Variants in MTHFD1L observed in about 807,000 individuals in gnomAD.
MTHFD1L encodes methylenetetrahydrofolate dehydrogenase (NADP+ dependent) 1 like.
In MTHFD1L, 81 loss-of-function variants were observed where a neutral mutation model predicts 119.5. That is an observed-to-expected ratio of 0.68 (90% CI 0.57 to 0.82). The LOEUF (loss-of-function observed/expected upper bound fraction) is 0.82. MTHFD1L is among the 40% of genes least tolerant of loss of function. The pLI is 0.00. For missense variants in MTHFD1L, 1,125 were observed against 1,253.4 expected (o/e 0.90, Z 1.55); for synonymous variants, 430 against 475.2 (o/e 0.90, Z 1.24).
intron 24 of MTHFD1L, among the ~76,000 whole-genome samples, chr6:151,016,326 T>C (rs1783043309): frequency 6.7e-6 from 1 of 150,210 alleles, no homozygotes; most frequent in Non-Finnish European, 1.5e-5. Context: ...TTTTCCTTGT[T>C]CATTTCTCTT....
At position 150,965,001 on chromosome 6, in the gene MTHFD1L, A is replaced by T. The variant is rs762203674; in HGVS notation, c.1977A>T (p.Lys659Asn). The change falls in exon 19 of 28, where the codon AAA becomes AAT. Residue 659 changes from lysine to asparagine, a missense_variant. By Grantham distance (94) the Lys-to-Asn change is moderately conservative. This residue lies in a region of MTHFD1L where 1,058 missense variants were observed against 1,151.2 expected (regional missense o/e 0.92). Coordinates refer to ENST00000367321, the MANE Select transcript of MTHFD1L (RefSeq NM_015440.5). ...GVTGALTVLM[K>N]DAIKPNLMQT... Reference sequence around the variant, plus strand: ...CAGGTGCTTTGACAGTTTTGATGAAAGATGCAATAAAACCAAACCTGATGC... The same window carrying T: ...CAGGTGCTTTGACAGTTTTGATGAATGATGCAATAAAACCAAACCTGATGC... 6.2e-7 allele frequency: 1 copy of T among 1,614,088 alleles called. No homozygotes were observed. The highest frequency in any genetic ancestry group is 1.1e-5 in the South Asian group (1 of 91,080).
chr6:150,917,120 G>A (rs901341215), intron 8 of MTHFD1L, among the ~76,000 whole-genome samples: 2 of 151,888 alleles, frequency 1.3e-5, no homozygotes, highest in African/African-American at 4.8e-5. Flanking sequence ...GATCTTTCAT[G>A]TAACACTTTG....
rs775876412 is a variant in MTHFD1L, at chr6:150,922,286, C to G, written c.1066C>G (p.Leu356Val). 1.9e-6 allele frequency: 3 copies of G among 1,613,858 alleles called. No individual in the cohort carries two copies. The highest frequency in any genetic ancestry group is 3.3e-5 in the Admixed American group (2 of 59,996). ...ACTTCACTGCTTGAAACTTCAGCCT[C>G]TCTCCCCTGTGCCAAGGTAACACTG... is the stretch of plus-strand genomic sequence containing the variant. Reference protein sequence around the residue: ...WRLHCLKLQPLSPVPSDIEIS... With the variant: ...WRLHCLKLQPVSPVPSDIEIS... Residue 356 changes from leucine (L) to valine (V), a missense_variant, in exon 10 of 28, where the codon CTC (leucine) becomes GTC (valine). By Grantham distance (32) the Leu-to-Val change is conservative. Around this residue, in one of 3 missense-constraint regions of MTHFD1L, gnomAD observed 1,058 missense variants for 1,151.2 expected, o/e 0.92. Coordinates refer to ENST00000367321, the MANE Select transcript of MTHFD1L (RefSeq NM_015440.5).
At chr6:151,045,190 T>C (rs1391537197) in intron 26 of MTHFD1L, among the ~76,000 whole-genome samples, 6 of 152,150 alleles carry the variant, frequency 3.9e-5, no homozygotes, top group Non-Finnish European at 7.4e-5. Flanking sequence ...ATCAAATGCA[T>C]GACCCTTCAC....
At chr6:150,986,599 CTG>C (rs1415103950) in intron 20 of MTHFD1L, among the ~76,000 whole-genome samples, 2 of 152,246 alleles carry the variant, frequency 1.3e-5, no homozygotes, top group Admixed American at 6.5e-5. Flanking sequence ...CACTGCTGAT[CTG>C]ACAGGAGGTG....
intron 26 of MTHFD1L, among the ~76,000 whole-genome samples, chr6:151,066,055 G>A (rs771924265): frequency 1.9e-4 from 29 of 152,132 alleles, no homozygotes; most frequent in Non-Finnish European, 2.9e-4. Flanking sequence ...TGCCCCCATG[G>A]GAATTAATTT....
intron 26 of MTHFD1L, among the ~76,000 whole-genome samples, chr6:151,076,018 A>G (rs1696147314): frequency 6.6e-6 from 1 of 152,224 alleles, no homozygotes; most frequent in Non-Finnish European, 1.5e-5. Flanking sequence ...GGCATTAGGG[A>G]AATGGAAATT....
At position 151,092,571 on chromosome 6, in the gene MTHFD1L, C is replaced by A; in HGVS notation, c.*15C>A. On this transcript the variant is annotated 3_prime_UTR_variant, in exon 27 of 28. Coordinates refer to ENST00000367321, the MANE Select transcript of MTHFD1L (RefSeq NM_015440.5). ...GCTTGTTCTAAGTGGACAAGGCTCT[C>A]ACAGGACCCGATGCAGGTAGGCTGA... 2 of 1,605,014 alleles carry A rather than the reference C, an allele frequency of 1.2e-6. No individual in the cohort carries two copies. The highest frequency in any genetic ancestry group is 1.7e-6 in the Non-Finnish European group (2 of 1,173,644).
rs74328407 is a variant in MTHFD1L, at chr6:150,907,162, A to C, written c.892+1401A>C. On this transcript the variant is annotated intron_variant, in intron 8 of 27. Coordinates refer to ENST00000367321, the MANE Select transcript of MTHFD1L (RefSeq NM_015440.5). ...AATATTTACTTGCTGTGTTTTATTA[A>C]AGTTTTCATGTAGGACAGTTTTGGC... 9.2e-5 allele frequency among the ~76,000 whole-genome samples: 14 copies of C among 152,260 alleles called. 1 individual carries two copies. In the East Asian group the frequency reaches 2.7e-3, roughly 29 times the overall value.
chr6:150,930,039 T>TCA (rs1790759237), intron 11 of MTHFD1L, among the ~76,000 whole-genome samples: 1 of 152,222 alleles, frequency 6.6e-6, no homozygotes, highest in Non-Finnish European at 1.5e-5. Context: ...GGCTGTAAAC[T>TCA]GTCATCAGTA....
At chr6:150,914,774 C>T (rs527579339) in intron 8 of MTHFD1L, among the ~76,000 whole-genome samples, 75 of 152,248 alleles carry the variant, frequency 4.9e-4, no homozygotes, top group African/African-American at 1.7e-3. Flanking sequence ...TTCCTGCTTT[C>T]GATATTTGTT....
chr6:150,892,250 G>A (rs1009771290), intron 7 of MTHFD1L, among the ~76,000 whole-genome samples: 4 of 152,190 alleles, frequency 2.6e-5, no homozygotes, highest in South Asian at 2.1e-4. Context: ...GAATGTTTTC[G>A]CAGCTGTCAC....
At chr6:150,905,946 T>C (rs992709124) in intron 8 of MTHFD1L, among the ~76,000 whole-genome samples, 185 bp downstream of exon 8, 4 of 152,228 alleles carry the variant, frequency 2.6e-5, no homozygotes, top group African/African-American at 7.2e-5. Context: ...GAGACCAAGA[T>C]GGCGGTTGAG....
At chr6:150,880,853 T>G (rs2128752875) in intron 4 of MTHFD1L, among the ~76,000 whole-genome samples, 1 of 152,334 alleles carries the variant, frequency 6.6e-6, no homozygotes, top group East Asian at 1.9e-4. Context: ...TGATGTTGAG[T>G]GTTTTGTCAT....
rs751835547 is a variant in MTHFD1L, at chr6:150,939,683, C to CTTTTTTTTTTTT, written c.1440+946_1440+957dup. ...TACTGCGTCAAGCTCCTTGCAGACT[C>CTTTTTTTTTTTT]TTTTTTTTTTTTTTTTTTTGAGACA... is the stretch of plus-strand genomic sequence containing the variant. On this transcript the variant is annotated intron_variant, in intron 13 of 27. Transcript: ENST00000367321. Among the ~76,000 whole-genome samples the CTTTTTTTTTTTT allele has an allele frequency of 2.2e-4, 24 of 108,418 alleles. 3 individuals carry two copies. Among genetic ancestry groups the CTTTTTTTTTTTT allele is most frequent in the African/African-American group, 6.4e-4 (15 of 23,484 alleles). The allele number at this position is 108,418 out of a possible 152,430, so 71.1% of individuals were successfully genotyped here.
chr6:151,070,104 G>T (rs1251924623), intron 26 of MTHFD1L, among the ~76,000 whole-genome samples: 2 of 152,122 alleles, frequency 1.3e-5, no homozygotes, highest in African/African-American at 4.8e-5. Flanking sequence ...AAGAACTCGG[G>T]TGTTTTTCTG....
intron 26 of MTHFD1L, among the ~76,000 whole-genome samples, chr6:151,060,768 A>C (rs1335181672): frequency 6.6e-6 from 1 of 152,234 alleles, no homozygotes; most frequent in African/African-American, 2.4e-5. Flanking sequence ...AGCAAGACCC[A>C]GGTCTTGTGA....
chr6:151,069,272 T>TCTCTCTCTCTCTCTCC (rs1791689668), intron 26 of MTHFD1L, among the ~76,000 whole-genome samples: 1 of 151,300 alleles, frequency 6.6e-6, no homozygotes, highest in Non-Finnish European at 1.5e-5. Context: ...TCTCTCTCTC[T>TCTCTCTCTCTCTCTCC]CTCTCTCTCC....
At chr6:150,876,053 C>T (rs767028548) in intron 1 of MTHFD1L, 37 bp from the exon 2 acceptor site, 3 of 1,488,056 alleles carry the variant, frequency 2.0e-6, no homozygotes, top group Non-Finnish European at 2.8e-6. Context: ...TACTCATTAA[C>T]CAAGAAATCA....
Sources: gnomAD v4.1 joint callset for allele counts (sites outside exome capture counted in the v4.1 genomes callset) on GRCh38, gnomAD v4.1.1 for gene constraint, gnomAD v4.1.1 regional missense constraint, MANE v1.5 for transcripts, NCBI Gene and HGNC (gene_info 2026-07-23, HGNC 2026-07-21) for gene names.